Variants in THRB observed in about 807,000 individuals in gnomAD.
THRB encodes the protein thyroid hormone receptor beta, also known as nuclear receptor subfamily 1 group A member 2.
Under a neutral mutation model 47.8 loss-of-function variants are expected in THRB, and 12 were observed. That is an observed-to-expected ratio of 0.25 (90% CI 0.16 to 0.41). THRB has a LOEUF of 0.41. Ranked by LOEUF, THRB falls within the 10% of genes least tolerant of loss-of-function variation. The probability of loss-of-function intolerance (pLI) is 1.00; values close to 1 mark genes in which losing one functional copy is unlikely to be tolerated. For missense variants in THRB, 348 were observed against 589.2 expected (o/e 0.59, Z 4.24); for synonymous variants, 218 against 212.2 (o/e 1.03, Z -0.24).
At chr3:24,292,098 C>T (rs1223753100) in intron 3 of THRB, among the ~76,000 whole-genome samples, 2 of 151,920 alleles carry the variant, frequency 1.3e-5, no homozygotes, top group Non-Finnish European at 2.9e-5. Flanking sequence ...TGAAAAGGTG[C>T]CAAATTTTAT....
intron 3 of THRB, among the ~76,000 whole-genome samples, chr3:24,250,632 T>C (rs1401787079): frequency 6.6e-6 from 1 of 152,116 alleles, no homozygotes; most frequent in Non-Finnish European, 1.5e-5. Context: ...GCCTTGGCGT[T>C]TGAGGCTGCA....
intron 1 of THRB, among the ~76,000 whole-genome samples, chr3:24,425,623 A>C (rs1415668354): frequency 6.6e-6 from 1 of 151,982 alleles, no homozygotes; most frequent in African/African-American, 2.4e-5. Context: ...ATCTGGCAAC[A>C]ATCAGTATCC....
At chr3:24,477,777 A>G (rs557340231) in intron 1 of THRB, among the ~76,000 whole-genome samples, 4 of 151,948 alleles carry the variant, frequency 2.6e-5, no homozygotes, top group Admixed American at 2.0e-4. Flanking sequence ...CACCATCATA[A>G]TCTTCTTCTC....
chr3:24,297,198 C>T (rs559623161), intron 3 of THRB, 28 bp downstream of exon 3: 21 of 152,282 alleles, frequency 1.4e-4, no homozygotes, highest in Admixed American at 3.9e-4. Flanking sequence ...TTCTTATCAC[C>T]ACACAGACTG....
intron 1 of THRB, among the ~76,000 whole-genome samples, chr3:24,456,214 A>G (rs546448595): frequency 3.9e-4 from 59 of 152,190 alleles, no homozygotes; most frequent in African/African-American, 1.4e-3. Flanking sequence ...ACACACCTGT[A>G]ATCCCAGCTA....
intron 1 of THRB, among the ~76,000 whole-genome samples, chr3:24,470,791 A>G (rs2074505846): frequency 6.6e-6 from 1 of 152,064 alleles, no homozygotes; most frequent in Non-Finnish European, 1.5e-5. Flanking sequence ...TAATTTTTGT[A>G]TTTTTAGTAG....
chr3:24,123,203 A>G (rs2032021452), intron 10 of THRB, 78 bp from the exon 11 acceptor site: 4 of 1,600,518 alleles, frequency 2.5e-6, no homozygotes, highest in Non-Finnish European at 3.4e-6. Flanking sequence ...CCAGGCCTTT[A>G]TTGGGGGGCG....
rs577975098 is a variant in THRB at position 24,480,444 on chromosome 3, T to C, written c.-261+14208A>G. ...TTCAGGAACATTTCATTCTCTCCCA[T>C]TGACAGAAGCAAAACCACATATTTT... On this transcript the variant is annotated intron_variant, in intron 1 of 10. Transcript: ENST00000646209. Among the ~76,000 whole-genome samples the C allele has an allele frequency of 5.3e-4, 81 of 152,260 alleles. 1 individual carries two copies. The highest frequency in any genetic ancestry group is 6.0e-4 in the Non-Finnish European group (41 of 68,016).
intron 10 of THRB, among the ~76,000 whole-genome samples, chr3:24,123,711 A>T (rs1297853357): frequency 1.3e-5 from 2 of 152,178 alleles, no homozygotes; most frequent in African/African-American, 4.8e-5. Context: ...TGCTACCAGT[A>T]GCAGCCTTGT....
intron 4 of THRB, among the ~76,000 whole-genome samples, chr3:24,213,244 GGCCAGTGCATGTGGTGTTCAAAA>G: frequency 6.6e-6 from 1 of 152,272 alleles, no homozygotes; most frequent in Middle Eastern, 3.4e-3. Flanking sequence ...TTGTCCTCTT[GGCCAGTGCATGTGGTGTTCAAAA>G]GCCTTTATTT....
At chr3:24,218,267 C>CA (rs538654913) in intron 4 of THRB, among the ~76,000 whole-genome samples, 4,016 of 120,360 alleles carry the variant, frequency 0.033, 181 homozygotes, top group African/African-American at 0.11. Flanking sequence ...GACTCTGTCT[C>CA]AAAAAAAAAC....
chr3:24,401,762 A>G (rs999890171), intron 1 of THRB, among the ~76,000 whole-genome samples: 1 of 151,980 alleles, frequency 6.6e-6, no homozygotes, highest in African/African-American at 2.4e-5. Context: ...TTTCCCTAAC[A>G]CTTGGGAGTT....
At chr3:24,206,856 A>G (rs2045422208) in intron 4 of THRB, among the ~76,000 whole-genome samples, 1 of 152,240 alleles carries the variant, frequency 6.6e-6, no homozygotes. Context: ...ACCATCAGAG[A>G]ATACTATAAA....
At chr3:24,245,575 C>T (rs1190235107) in intron 3 of THRB, among the ~76,000 whole-genome samples, 5 of 152,152 alleles carry the variant, frequency 3.3e-5, no homozygotes, top group Admixed American at 6.5e-5. Flanking sequence ...CATGCCTCCC[C>T]GCACAGGGAC....
intron 2 of THRB, among the ~76,000 whole-genome samples, chr3:24,328,551 C>T (rs1448900238): frequency 1.3e-5 from 2 of 152,198 alleles, no homozygotes; most frequent in Admixed American, 1.3e-4. Context: ...CTGCTTAAGA[C>T]ACAAACCCAG....
intron 1 of THRB, among the ~76,000 whole-genome samples, chr3:24,351,535 T>G (rs1188885082): frequency 3.9e-5 from 6 of 152,178 alleles, no homozygotes; most frequent in Non-Finnish European, 2.9e-5. Context: ...TGGCCTAAAC[T>G]CCAATTTGTT....
chr3:24,436,550 A>C (rs1678154423), intron 1 of THRB, among the ~76,000 whole-genome samples: 3 of 152,138 alleles, frequency 2.0e-5, no homozygotes, highest in African/African-American at 7.2e-5. Flanking sequence ...GTAAATGGGA[A>C]GTTTAACAAG....
At chr3:24,368,496 C>T (rs529792701) in intron 1 of THRB, among the ~76,000 whole-genome samples, 10 of 152,222 alleles carry the variant, frequency 6.6e-5, no homozygotes, top group South Asian at 2.1e-4. Flanking sequence ...AGACTAGACA[C>T]GAAGCTAAAA....
intron 1 of THRB, among the ~76,000 whole-genome samples, chr3:24,363,307 C>A (rs2064206180): frequency 6.6e-6 from 1 of 152,152 alleles, no homozygotes; most frequent in South Asian, 2.1e-4. Flanking sequence ...CCCCAGGACT[C>A]TTAAAGGCTT....
Sources: allele counts gnomAD v4.1 joint callset (sites outside exome capture counted in the v4.1 genomes callset), GRCh38; gene constraint gnomAD v4.1.1; transcripts MANE v1.5; gene names NCBI Gene and HGNC (gene_info 2026-07-23, HGNC 2026-07-21).